The following GALNT13 variants were observed in gnomAD, a reference collection of about 807,000 sequenced individuals.
The protein encoded by GALNT13 is polypeptide N-acetylgalactosaminyltransferase 13.
GALNT13 carries 28 observed loss-of-function variants against 64.2 expected under a neutral mutation model. The ratio of observed to expected loss-of-function variants is 0.44; its 90% CI spans 0.32 to 0.60. GALNT13 has a LOEUF of 0.60. GALNT13 is among the 20% of genes least tolerant of loss of function. GALNT13 has a pLI of 0.05. For synonymous variants in GALNT13, 214 were observed against 224.6 expected (o/e 0.95, Z 0.42); for missense variants, 577 against 669.8 (o/e 0.86, Z 1.53).
At chr2:154,171,589 C>A (rs1402265351) in intron 4 of GALNT13, among the ~76,000 whole-genome samples, 1 of 152,028 alleles carries the variant, frequency 6.6e-6, no homozygotes, top group Admixed American at 6.6e-5. Flanking sequence ...TATGAACATA[C>A]TTTTCTGAAC....
chr2:153,324,747 T>G, the GALNT13 span, among the ~76,000 whole-genome samples: 1 of 152,204 alleles, frequency 6.6e-6, no homozygotes, highest in South Asian at 2.1e-4. Flanking sequence ...AATCATGTGG[T>G]TTTTGTCATT....
Position 154,290,002 on chromosome 2 carries a change from C to T in GALNT13, c.976-11407C>T, listed in dbSNP as rs992621371. ...CTGTGGTCTAGGAGACTCAGGAGTG[C>T]AGAGCTCTGTCAACTCCCATAGCTA... is the stretch of plus-strand genomic sequence containing the variant. On this transcript the variant is annotated intron_variant, in intron 8 of 12. Transcript: ENST00000392825. Among the ~76,000 whole-genome samples the T allele has an allele frequency of 1.2e-4, 19 of 152,128 alleles. 1 individual carries two copies. The highest frequency in any genetic ancestry group is 4.3e-4 in the African/African-American group (18 of 41,414).
the GALNT13 span, among the ~76,000 whole-genome samples, chr2:153,628,380 A>G: frequency 1.3e-5 from 2 of 152,038 alleles, no homozygotes; most frequent in African/African-American, 4.8e-5. Context: ...TTCCAACACT[A>G]TGTTGAATAG....
At chr2:153,432,603 G>A in the GALNT13 span, among the ~76,000 whole-genome samples, 1 of 151,950 alleles carries the variant, frequency 6.6e-6, no homozygotes, top group Non-Finnish European at 1.5e-5. Flanking sequence ...CTTGGCAGAA[G>A]CTTCTGCCCC....
At chr2:154,200,316 G>GGGAATTAACTA (rs1193679555) in intron 4 of GALNT13, among the ~76,000 whole-genome samples, 1 of 151,352 alleles carries the variant, frequency 6.6e-6, no homozygotes, top group Non-Finnish European at 1.5e-5. Context: ...TGGAGATGGG[G>GGGAATTAACTA]TGGTGATTAA....
At chr2:153,225,925 T>C in the GALNT13 span, among the ~76,000 whole-genome samples, 3 of 152,214 alleles carry the variant, frequency 2.0e-5, no homozygotes, top group Admixed American at 2.0e-4. Context: ...TTCTGATCAA[T>C]GTTCCAGCAA....
At position 154,409,251 on chromosome 2, in the gene GALNT13, G is replaced by A. The variant is rs1222828232; in HGVS notation, c.1395+169G>A. On this transcript the variant is annotated intron_variant, in intron 11 of 12. Transcript: ENST00000392825. ...ATTTTATTGTCCCAAGGATCTTAAA[G>A]GAGAGCTGAAAAATTAAAATAAAAA... 4.1e-5 allele frequency: 25 copies of A among 614,976 alleles called. No homozygotes were observed. In the Admixed American group the frequency reaches 6.3e-4, roughly 16 times the overall value. 38.1% of individuals were successfully genotyped at this position (614,976 alleles called of 1,614,324 possible). A position where few individuals can be genotyped will look rare whatever the true frequency, so the allele number is the denominator to read the frequency against.
At chr2:153,219,256 A>G in the GALNT13 span, among the ~76,000 whole-genome samples, 1 of 152,208 alleles carries the variant, frequency 6.6e-6, no homozygotes, top group South Asian at 2.1e-4. Flanking sequence ...GCACAAATGA[A>G]AACTTAGAGT....
At chr2:153,673,143 G>T in the GALNT13 span, among the ~76,000 whole-genome samples, 1 of 152,146 alleles carries the variant, frequency 6.6e-6, no homozygotes, top group Non-Finnish European at 1.5e-5. Context: ...AGATGAGCTG[G>T]TACCATTCCT....
chr2:154,025,097 G>A (rs565690895), intron 3 of GALNT13, among the ~76,000 whole-genome samples: 7 of 152,268 alleles, frequency 4.6e-5, no homozygotes, highest in East Asian at 3.9e-4. Flanking sequence ...TTGTCAGTCC[G>A]CCCCTACTGG....
At chr2:153,191,807 G>A in the GALNT13 span, among the ~76,000 whole-genome samples, 11 of 151,852 alleles carry the variant, frequency 7.2e-5, no homozygotes, top group Non-Finnish European at 1.3e-4. Context: ...TATGTATTCA[G>A]AAATTTATCT....
At chr2:153,779,166 A>G in the GALNT13 span, among the ~76,000 whole-genome samples, 1 of 152,078 alleles carries the variant, frequency 6.6e-6, no homozygotes, top group African/African-American at 2.4e-5. Context: ...ATCCAGGACA[A>G]TATATCTTTC....
chr2:153,365,287 C>T, the GALNT13 span, among the ~76,000 whole-genome samples: 3 of 152,020 alleles, frequency 2.0e-5, no homozygotes, highest in Non-Finnish European at 2.9e-5. Context: ...ACCATAAATC[C>T]CTAGAAGAAA....
intron 8 of GALNT13, among the ~76,000 whole-genome samples, chr2:154,280,635 T>A (rs921550607): frequency 2.0e-5 from 3 of 152,174 alleles, no homozygotes; most frequent in Non-Finnish European, 2.9e-5. Flanking sequence ...CTCAAGTTCT[T>A]TTTATGTATT....
chr2:153,668,819 G>T, the GALNT13 span, among the ~76,000 whole-genome samples: 1 of 152,222 alleles, frequency 6.6e-6, no homozygotes, highest in Non-Finnish European at 1.5e-5. Flanking sequence ...ATAAGGAAAG[G>T]ATTCCAGGCT....
intron 9 of GALNT13, among the ~76,000 whole-genome samples, chr2:154,353,859 C>G (rs767543222): frequency 1.3e-5 from 2 of 152,126 alleles, no homozygotes; most frequent in Non-Finnish European, 2.9e-5. Context: ...GTGAACAATG[C>G]TGCAGTGAAC....
chr2:153,623,497 G>T, the GALNT13 span, among the ~76,000 whole-genome samples: 4 of 152,088 alleles, frequency 2.6e-5, no homozygotes, highest in South Asian at 4.1e-4. Flanking sequence ...AGTTTGCTTT[G>T]CTACAAAAGA....
chr2:153,204,457 C>G, the GALNT13 span, among the ~76,000 whole-genome samples: 2 of 152,108 alleles, frequency 1.3e-5, no homozygotes, highest in African/African-American at 4.8e-5. Context: ...ATCCAAACAG[C>G]TTTTTTAGTT....
chr2:153,696,721 C>G, the GALNT13 span, among the ~76,000 whole-genome samples: 1 of 152,188 alleles, frequency 6.6e-6, no homozygotes, highest in Non-Finnish European at 1.5e-5. Context: ...ATAACTGAAA[C>G]TGCAGAATGC....
Sources: gnomAD v4.1 joint callset for allele counts (sites outside exome capture counted in the v4.1 genomes callset) on GRCh38, gnomAD v4.1.1 for gene constraint, MANE v1.5 for transcripts, NCBI Gene and HGNC (gene_info 2026-07-23, HGNC 2026-07-21) for gene names.